Variants in PDGFC observed in about 807,000 individuals in gnomAD.
PDGFC encodes platelet derived growth factor C.
In PDGFC, 12 loss-of-function variants were observed where a neutral mutation model predicts 35.5. That is an observed-to-expected ratio of 0.34 (90% CI 0.22 to 0.55). The LOEUF (loss-of-function observed/expected upper bound fraction) is 0.55. PDGFC is among the 20% of genes least tolerant of loss of function. The probability of loss-of-function intolerance (pLI) is 0.91; values close to 1 mark genes in which losing one functional copy is unlikely to be tolerated. For synonymous variants in PDGFC, 159 were observed against 148.8 expected (o/e 1.07, Z -0.50); for missense variants, 322 against 412.4 (o/e 0.78, Z 1.90).
At chr4:156,791,185 G>A (rs1190360459) in intron 3 of PDGFC, among the ~76,000 whole-genome samples, 5 of 152,102 alleles carry the variant, frequency 3.3e-5, no homozygotes, top group African/African-American at 7.2e-5. Flanking sequence ...GAACACCAAG[G>A]AAAGATGGAT....
intron 1 of PDGFC, among the ~76,000 whole-genome samples, chr4:156,963,954 A>G (rs1732401206): frequency 6.6e-6 from 1 of 151,152 alleles, no homozygotes. Context: ...GTTTATAGCT[A>G]TGAATTTATT....
chr4:156,862,196 T>G (rs1729729156), intron 1 of PDGFC, among the ~76,000 whole-genome samples: 1 of 152,106 alleles, frequency 6.6e-6, no homozygotes, highest in African/African-American at 2.4e-5. Context: ...TTTATAGAAA[T>G]AAAATAAATC....
intron 1 of PDGFC, among the ~76,000 whole-genome samples, chr4:156,906,708 T>C (rs1280871094): frequency 2.0e-5 from 3 of 152,218 alleles, no homozygotes; most frequent in Non-Finnish European, 4.4e-5. Context: ...ATATTGCTCT[T>C]ACAAGAGCAT....
At chr4:156,793,646 A>G (rs954774529) in intron 3 of PDGFC, among the ~76,000 whole-genome samples, 12 of 150,630 alleles carry the variant, frequency 8.0e-5, no homozygotes, top group Non-Finnish European at 3.0e-5. Context: ...GGGCAAAAAA[A>G]TTTTTTAAAT....
intron 3 of PDGFC, among the ~76,000 whole-genome samples, chr4:156,792,107 TTGTC>T (rs1472186528): frequency 1.3e-5 from 2 of 152,206 alleles, no homozygotes; most frequent in Non-Finnish European, 2.9e-5. Flanking sequence ...CCTAGGATCT[TTGTC>T]TGCTTAAAAC....
rs763934257 is a variant in PDGFC at position 156,896,747 on chromosome 4, T to G, written c.119-46331A>C. Among the ~76,000 whole-genome samples, 3 of 152,130 alleles carry G rather than the reference T, an allele frequency of 2.0e-5. No individual in the cohort carries two copies. In the East Asian group the frequency reaches 5.8e-4, roughly 29 times the overall value. The stretch of plus-strand genomic sequence containing the variant: ...AAGTTACTATGGCAACTAAAGGGGA[T>G]AGAGGGTAGGAAGTTATTCAGCCAT... On this transcript the variant is annotated intron_variant, in intron 1 of 5. Transcript: ENST00000502773.
chr4:156,793,487 C>A (rs1156592801), intron 3 of PDGFC, among the ~76,000 whole-genome samples: 2 of 146,742 alleles, frequency 1.4e-5, no homozygotes, highest in African/African-American at 5.0e-5. Context: ...AAAACAATTT[C>A]ATATAGTAAG....
At chr4:156,935,529 A>G (rs1263238624) in intron 1 of PDGFC, among the ~76,000 whole-genome samples, 3 of 152,076 alleles carry the variant, frequency 2.0e-5, no homozygotes, top group Non-Finnish European at 2.9e-5. Flanking sequence ...AACAGCTACA[A>G]CCTCACTAAG....
chr4:156,958,906 G>A (rs1732274080), intron 1 of PDGFC, among the ~76,000 whole-genome samples: 2 of 152,030 alleles, frequency 1.3e-5, no homozygotes, highest in South Asian at 4.1e-4. Context: ...TATAATAGCA[G>A]TTTTATTACA....
At chr4:156,778,150 G>A in intron 3 of PDGFC, 1 of 287,258 alleles carries the variant, frequency 3.5e-6, no homozygotes, top group South Asian at 2.8e-5. Flanking sequence ...ATGAACAAAA[G>A]TAAAAACCTG....
chr4:156,885,437 G>T (rs1730353542), intron 1 of PDGFC, among the ~76,000 whole-genome samples: 2 of 152,058 alleles, frequency 1.3e-5, no homozygotes, highest in African/African-American at 4.8e-5. Flanking sequence ...TTAAAAGGAG[G>T]CTTAGAATAT....
intron 1 of PDGFC, among the ~76,000 whole-genome samples, chr4:156,918,116 C>A (rs933536476): frequency 2.6e-5 from 4 of 152,140 alleles, no homozygotes; most frequent in African/African-American, 9.6e-5. Flanking sequence ...ACATAATTTT[C>A]AAATCATAAT....
chr4:156,814,127 TAA>T (rs11323795), intron 2 of PDGFC, among the ~76,000 whole-genome samples: 6 of 151,344 alleles, frequency 4.0e-5, no homozygotes, highest in African/African-American at 1.5e-4. Flanking sequence ...TTCTATGATT[TAA>T]AAAAAAAATC....
At chr4:156,861,019 A>C (rs1560845256) in intron 1 of PDGFC, among the ~76,000 whole-genome samples, 1 of 152,182 alleles carries the variant, frequency 6.6e-6, no homozygotes, top group Non-Finnish European at 1.5e-5. Context: ...AGAATAATAA[A>C]TTCAACTTTG....
At chr4:156,771,216 C>A (rs1730684226) in intron 4 of PDGFC, among the ~76,000 whole-genome samples, 1 of 152,158 alleles carries the variant, frequency 6.6e-6, no homozygotes, top group Admixed American at 6.6e-5. Context: ...ACCAGGCGTA[C>A]ATTTTCAGGC....
At chr4:156,896,439 T>C (rs1344707068) in intron 1 of PDGFC, among the ~76,000 whole-genome samples, 1 of 152,196 alleles carries the variant, frequency 6.6e-6, no homozygotes, top group Non-Finnish European at 1.5e-5. Flanking sequence ...TACATGCTCC[T>C]GGTCAAGACA....
intron 1 of PDGFC, chr4:156,873,886 G>A (rs1424990158): frequency 6.6e-6 from 1 of 152,180 alleles, no homozygotes; most frequent in Non-Finnish European, 1.5e-5. Context: ...TCTATACAAA[G>A]TAATTCAAAG....
chr4:156,928,474 C>T (rs1264424865), intron 1 of PDGFC, among the ~76,000 whole-genome samples: 1 of 152,120 alleles, frequency 6.6e-6, no homozygotes, highest in Non-Finnish European at 1.5e-5. Context: ...ATGAAAAAGA[C>T]CTGGCTGGGT....
At chr4:156,877,214 T>C (rs1440284846) in intron 1 of PDGFC, among the ~76,000 whole-genome samples, 2 of 151,958 alleles carry the variant, frequency 1.3e-5, no homozygotes, top group East Asian at 1.9e-4. Context: ...ATAGAGAAAA[T>C]GGGGTTTCCA....
Sources: gnomAD v4.1 joint callset for allele counts (sites outside exome capture counted in the v4.1 genomes callset) on GRCh38, gnomAD v4.1.1 for gene constraint, MANE v1.5 for transcripts, NCBI Gene and HGNC (gene_info 2026-07-23, HGNC 2026-07-21) for gene names.